The following IFT88 variants were observed in gnomAD, a reference collection of about 807,000 sequenced individuals.
The protein encoded by IFT88 is intraflagellar transport 88, also known as intraflagellar transport protein 88 homolog.
In IFT88, 74 loss-of-function variants were observed where a neutral mutation model predicts 119.5. The ratio of observed to expected loss-of-function variants is 0.62; its 90% CI spans 0.51 to 0.75. The LOEUF is 0.75. Among genes scored for constraint, IFT88 ranks in the 30% least tolerant of loss-of-function variants. The pLI is 0.00. For missense variants in IFT88, 961 were observed against 977.7 expected (o/e 0.98, Z 0.23); for synonymous variants, 279 against 316.7 (o/e 0.88, Z 1.26).
At chr13:20,573,993 A>G (rs1486383039) in intron 1 of IFT88, among the ~76,000 whole-genome samples, 1 of 152,226 alleles carries the variant, frequency 6.6e-6, no homozygotes, top group East Asian at 1.9e-4. Context: ...GATAAATTTG[A>G]CCACAAATGT....
intron 20 of IFT88, among the ~76,000 whole-genome samples, chr13:20,646,159 C>T (rs2050718220): frequency 6.6e-6 from 1 of 152,142 alleles, no homozygotes; most frequent in Admixed American, 6.5e-5. Flanking sequence ...AGCTTATATT[C>T]TTCCTTTTCT....
At chr13:20,625,639 A>G (rs2047172727) in intron 14 of IFT88, 111 bp from the exon 15 acceptor site, 1 of 641,350 alleles carries the variant, frequency 1.6e-6, no homozygotes, top group Non-Finnish European at 2.7e-6. Context: ...TTACCTTTAC[A>G]GAGTACTAGG....
At chr13:20,675,598 G>A (rs79685785) in intron 24 of IFT88, among the ~76,000 whole-genome samples, 1 of 152,148 alleles carries the variant, frequency 6.6e-6, no homozygotes, top group Non-Finnish European at 1.5e-5. Flanking sequence ...GACTTTTTCT[G>A]TAAAGGGCCA....
chr13:20,569,938 G>A (rs959253556), intron 1 of IFT88, among the ~76,000 whole-genome samples: 1 of 151,778 alleles, frequency 6.6e-6, no homozygotes, highest in African/African-American at 2.4e-5. Context: ...CCAGCTACTC[G>A]AGAGGCTGAG....
Position 20,691,181 on chromosome 13 carries a change from AC to A in IFT88, c.*7del. 6.2e-7 allele frequency: 1 copy of A among 1,607,242 alleles called. No homozygotes were observed. Among genetic ancestry groups the A allele is most frequent in the Non-Finnish European group, 8.5e-7 (1 of 1,175,956 alleles). On this transcript the variant is annotated 3_prime_UTR_variant, in exon 26 of 26. Transcript: ENST00000351808. ...ATGATTTGCTTCCAGAATAATATTC[AC>A]TTTAATATTTATTAAAGGAAAGAAA...
intron 1 of IFT88, among the ~76,000 whole-genome samples, chr13:20,570,676 A>AAATAGATT (rs11281323): frequency 0.82 from 124,844 of 151,528 alleles, 51,927 homozygotes; most frequent in East Asian, 1. Flanking sequence ...TAGAGACAGA[A>AAATAGATT]AATGGTTGCC....
rs1363973673 is a variant in IFT88, at chr13:20,600,593, C to T, written c.812+1028C>T. Among the ~76,000 whole-genome samples, 3 of 152,122 alleles carry T rather than the reference C, an allele frequency of 2.0e-5. No homozygotes were observed. The East Asian group carries it at 5.8e-4, about 29-fold the overall frequency. On this transcript the variant is annotated intron_variant, in intron 11 of 25. Coordinates refer to ENST00000351808, the MANE Select transcript of IFT88 (RefSeq NM_006531.5). ...TTTAGAAATAAGGTGGGATCACATC[C>T]ATTAGAATGGCTCCAATCAAAGAAA...
intron 7 of IFT88, among the ~76,000 whole-genome samples, chr13:20,594,522 C>T (rs1345126934): frequency 1.3e-5 from 2 of 152,072 alleles, no homozygotes; most frequent in African/African-American, 4.8e-5. Context: ...CCAACAGTGC[C>T]TGAATATAGA....
chr13:20,688,038 G>A (rs990197998), intron 24 of IFT88, among the ~76,000 whole-genome samples: 7 of 152,150 alleles, frequency 4.6e-5, no homozygotes, highest in African/African-American at 4.8e-5. Flanking sequence ...AGGCCAAGTC[G>A]GAAAGAGGCC....
chr13:20,671,027 A>G lies in IFT88; in HGVS notation c.2230A>G (p.Ser744Gly). 6 of 1,613,788 alleles carry G rather than the reference A, an allele frequency of 3.7e-6. No homozygotes were observed. The South Asian group carries it at 4.4e-5, about 12-fold the overall frequency. The change falls in exon 24 of 26, where the codon AGT becomes GGT. Residue 744 changes from serine to glycine, a missense_variant. Physicochemically the swap from Ser to Gly is moderately conservative, Grantham distance 56. Transcript: ENST00000351808. The part of the protein sequence containing the change: ...SGGSRGKREG[S>G]ASGDSGQNYS... Reference sequence around the variant, plus strand: ...GGGCTCCCGTGGCAAAAGAGAAGGAAGTGCTAGCGGTGGTAAGTATTTTCT... The same window carrying G: ...GGGCTCCCGTGGCAAAAGAGAAGGAGGTGCTAGCGGTGGTAAGTATTTTCT...
intron 9 of IFT88, 38 bp from the exon 10 acceptor site, chr13:20,598,612 TG>T: frequency 1.6e-6 from 2 of 1,227,862 alleles, no homozygotes; most frequent in Non-Finnish European, 2.4e-6. Flanking sequence ...GGGCCTAAAG[TG>T]GTCTTATGTG....
intron 7 of IFT88, 59 bp from the exon 8 acceptor site, chr13:20,596,091 T>A: frequency 8.8e-6 from 3 of 341,344 alleles, no homozygotes; most frequent in Non-Finnish European, 1.6e-5. Context: ...AAAATAAATT[T>A]TAGTATAGAT....
chr13:20,645,946 TTTAA>T (rs2050684583), intron 20 of IFT88, among the ~76,000 whole-genome samples: 1 of 152,210 alleles, frequency 6.6e-6, no homozygotes, highest in African/African-American at 2.4e-5. Context: ...ATAGTTTTAG[TTTAA>T]TTATATCTTT....
intron 21 of IFT88, among the ~76,000 whole-genome samples, chr13:20,654,841 A>G (rs1017007929): frequency 6.6e-6 from 1 of 152,222 alleles, no homozygotes; most frequent in Non-Finnish European, 1.5e-5. Flanking sequence ...CGTCAGTCAT[A>G]TAGAAAGTAT....
At chr13:20,588,855 A>G (rs2040186360) in intron 3 of IFT88, among the ~76,000 whole-genome samples, 1 of 152,188 alleles carries the variant, frequency 6.6e-6, no homozygotes, top group Non-Finnish European at 1.5e-5. Context: ...GAGGGCTAGT[A>G]TACTATTATT....
At chr13:20,670,266 T>C (rs1047627985) in intron 23 of IFT88, among the ~76,000 whole-genome samples, 1 of 152,184 alleles carries the variant, frequency 6.6e-6, no homozygotes, top group African/African-American at 2.4e-5. Context: ...GCTGTGTAAA[T>C]GAACCATTAT....
chr13:20,609,772 CAAAAAA>C (rs2044159703), intron 13 of IFT88, among the ~76,000 whole-genome samples: 3 of 92,220 alleles, frequency 3.3e-5, no homozygotes, highest in Non-Finnish European at 6.8e-5. Context: ...AGAAAAAAAA[CAAAAAA>C]CAAAAAACAA....
At chr13:20,645,449 A>T (rs1181179023) in intron 20 of IFT88, among the ~76,000 whole-genome samples, 2 of 152,104 alleles carry the variant, frequency 1.3e-5, no homozygotes, top group Admixed American at 1.3e-4. Flanking sequence ...TGTGATAAAT[A>T]TATTTCCCTT....
At chr13:20,602,309 A>G (rs894825380) in intron 12 of IFT88, among the ~76,000 whole-genome samples, 2 of 148,866 alleles carry the variant, frequency 1.3e-5, no homozygotes, top group East Asian at 2.0e-4. Context: ...GGCTCTGGCA[A>G]TTCTCATGCC....
Sources: gnomAD v4.1 joint callset for allele counts (sites outside exome capture counted in the v4.1 genomes callset) on GRCh38, gnomAD v4.1.1 for gene constraint, MANE v1.5 for transcripts, NCBI Gene and HGNC (gene_info 2026-07-23, HGNC 2026-07-21) for gene names.